The following VAV3 variants were observed in gnomAD, a reference collection of about 807,000 sequenced individuals.
VAV3 encodes vav guanine nucleotide exchange factor 3, also known as guanine nucleotide exchange factor VAV3.
In VAV3, 94 loss-of-function variants were observed where a neutral mutation model predicts 131.2. The observed-to-expected ratio is 0.72, with a 90% CI of 0.61 to 0.85. VAV3 has a LOEUF of 0.85. VAV3 is among the 40% of genes least tolerant of loss of function. The pLI is 0.00. For synonymous variants in VAV3, 349 were observed against 342.0 expected (o/e 1.02, Z -0.22); for missense variants, 939 against 1,002.7 (o/e 0.94, Z 0.86).
At chr1:107,578,614 CTT>C (rs1272565760) in intron 25 of VAV3, 1 of 187,278 alleles carries the variant, frequency 5.3e-6, no homozygotes, top group African/African-American at 2.4e-5. Flanking sequence ...TGTTTTCTTT[CTT>C]TCTTTTTTTT....
intron 15 of VAV3, among the ~76,000 whole-genome samples, chr1:107,735,528 A>T (rs1051336677): frequency 2.6e-5 from 4 of 152,296 alleles, no homozygotes; most frequent in Admixed American, 1.3e-4. Flanking sequence ...AGGGGATATC[A>T]CCACCGATCC....
chr1:107,719,122 A>C (rs989017141), intron 15 of VAV3, among the ~76,000 whole-genome samples: 1 of 152,250 alleles, frequency 6.6e-6, no homozygotes, highest in Non-Finnish European at 1.5e-5. Context: ...AAACCTAGGC[A>C]ATACCATTCA....
chr1:107,831,429 C>T (rs1385081406), intron 2 of VAV3, among the ~76,000 whole-genome samples: 1 of 152,072 alleles, frequency 6.6e-6, no homozygotes, highest in Non-Finnish European at 1.5e-5. Context: ...GTTTTACAGG[C>T]AAATTCAAAT....
At chr1:107,950,695 A>G (rs1320288687) in intron 1 of VAV3, among the ~76,000 whole-genome samples, 2 of 152,076 alleles carry the variant, frequency 1.3e-5, no homozygotes, top group East Asian at 3.9e-4. Flanking sequence ...GGCATATCTC[A>G]TGTTACAGAA....
At chr1:107,945,555 G>A (rs1030143799) in intron 1 of VAV3, among the ~76,000 whole-genome samples, 8 of 152,026 alleles carry the variant, frequency 5.3e-5, no homozygotes, top group African/African-American at 1.7e-4. Flanking sequence ...CAGGCGCGGT[G>A]GCTCATGCCT....
intron 6 of VAV3, among the ~76,000 whole-genome samples, chr1:107,769,509 T>C (rs921973989): frequency 6.6e-6 from 1 of 152,236 alleles, no homozygotes; most frequent in Non-Finnish European, 1.5e-5. Context: ...AGAGCTGGCC[T>C]CAAACCTCTT....
At chr1:107,784,796 G>A (rs569427101) in intron 2 of VAV3, among the ~76,000 whole-genome samples, 1 of 152,274 alleles carries the variant, frequency 6.6e-6, no homozygotes, top group South Asian at 2.1e-4. Flanking sequence ...TTGCTAAATT[G>A]TTTTAAAGAT....
chr1:107,952,811 G>T (rs72985445), intron 1 of VAV3, among the ~76,000 whole-genome samples: 16,265 of 151,970 alleles, frequency 0.11, 1,593 homozygotes, highest in African/African-American at 0.26. Context: ...GTCCAACATT[G>T]AGCAGACAAT....
At position 107,574,322 on chromosome 1, in the gene VAV3, T is replaced by C. The variant is rs115353870; in HGVS notation, c.2351-124A>G. The C allele has an allele frequency of 3.1e-4, 375 of 1,213,902 alleles. No homozygotes were observed. In the African/African-American group the frequency reaches 4.8e-3, roughly 16 times the overall value. The allele number at this position is 1,213,902 out of a possible 1,614,324, so 75.2% of individuals were successfully genotyped here. A position where few individuals can be genotyped will look rare whatever the true frequency, so the allele number is the denominator to read the frequency against. Reference sequence around the variant, plus strand: ...TCGTGATTTCATTACAGACCAGCGATAATGGCAGAGGAGCTTGAAAGCAGC... The same window carrying C: ...TCGTGATTTCATTACAGACCAGCGACAATGGCAGAGGAGCTTGAAAGCAGC... On this transcript the variant is annotated intron_variant, in intron 25 of 26. Transcript: ENST00000370056.
chr1:107,686,037 G>T (rs112323477), intron 18 of VAV3: 3 of 118,396 alleles, frequency 2.5e-5, no homozygotes, highest in Admixed American at 8.0e-5. Flanking sequence ...GGGGGGGTGG[G>T]GGGGGAGGGG....
intron 15 of VAV3, among the ~76,000 whole-genome samples, chr1:107,736,877 A>G (rs1662673605): frequency 1.3e-5 from 2 of 152,206 alleles, no homozygotes; most frequent in Admixed American, 1.3e-4. Flanking sequence ...ATGGAAACAA[A>G]AAAGAGCCCG....
intron 6 of VAV3, among the ~76,000 whole-genome samples, chr1:107,768,921 C>A (rs1664886668): frequency 6.6e-6 from 1 of 152,076 alleles, no homozygotes; most frequent in South Asian, 2.1e-4. Flanking sequence ...ATGAATTATT[C>A]CTTGAGAATT....
At chr1:107,798,617 G>T (rs1666670667) in intron 2 of VAV3, among the ~76,000 whole-genome samples, 1 of 151,110 alleles carries the variant, frequency 6.6e-6, no homozygotes, top group Non-Finnish European at 1.5e-5. Context: ...TACTCAGGAG[G>T]CTGAGGCAGG....
intron 19 of VAV3, among the ~76,000 whole-genome samples, chr1:107,678,712 C>A (rs766146053): frequency 8.8e-4 from 133 of 151,792 alleles, no homozygotes; most frequent in Non-Finnish European, 1.4e-3. Context: ...TACAATAAAC[C>A]AGTATAAAAA....
intron 25 of VAV3, among the ~76,000 whole-genome samples, chr1:107,582,597 G>A (rs1258663615): frequency 7.8e-6 from 1 of 128,266 alleles, no homozygotes; most frequent in Non-Finnish European, 1.5e-5. Flanking sequence ...AGGGTGTGAT[G>A]TTCCCCTTCC....
intron 19 of VAV3, among the ~76,000 whole-genome samples, chr1:107,651,861 A>C (rs1429044932): frequency 6.6e-6 from 1 of 152,144 alleles, no homozygotes; most frequent in Non-Finnish European, 1.5e-5. Context: ...GTCACTGCAT[A>C]CAAGACCCTA....
intron 20 of VAV3, among the ~76,000 whole-genome samples, chr1:107,622,052 A>G (rs1304073156): frequency 6.6e-6 from 1 of 152,206 alleles, no homozygotes; most frequent in East Asian, 1.9e-4. Flanking sequence ...ACATAAAGCA[A>G]CATAATATTA....
chr1:107,872,165 C>T (rs987538494), intron 2 of VAV3, among the ~76,000 whole-genome samples: 1 of 152,088 alleles, frequency 6.6e-6, no homozygotes, highest in Admixed American at 6.6e-5. Flanking sequence ...GTTCCTCTTC[C>T]CAAGCAAGGA....
intron 19 of VAV3, among the ~76,000 whole-genome samples, chr1:107,648,376 A>G (rs1417125127): frequency 6.6e-6 from 1 of 152,048 alleles, no homozygotes; most frequent in East Asian, 1.9e-4. Context: ...AAAGGTGTTT[A>G]TAGGCTACCA....
Sources: gnomAD v4.1 joint callset for allele counts (sites outside exome capture counted in the v4.1 genomes callset) on GRCh38, gnomAD v4.1.1 for gene constraint, MANE v1.5 for transcripts, NCBI Gene and HGNC (gene_info 2026-07-23, HGNC 2026-07-21) for gene names.